Variants in ZSWIM5 observed in about 807,000 individuals in gnomAD.
ZSWIM5 encodes zinc finger SWIM-type containing 5, also known as zinc finger SWIM domain-containing protein 5.
Under a neutral mutation model 119.6 loss-of-function variants are expected in ZSWIM5, and 55 were observed. The observed-to-expected ratio is 0.46, with a 90% CI of 0.37 to 0.58. ZSWIM5 has a LOEUF of 0.58. Ranked by LOEUF, ZSWIM5 falls within the 20% of genes least tolerant of loss-of-function variation. The pLI is 0.00. For missense variants in ZSWIM5, 1,193 were observed against 1,512.8 expected, an observed-to-expected ratio of 0.79 and a Z score of 3.51; for synonymous variants, 537 against 606.9, an observed-to-expected ratio of 0.88 and a Z score of 1.69.
At chr1:45,043,841 C>T (rs980854173) in intron 5 of ZSWIM5, among the ~76,000 whole-genome samples, 1 of 152,134 alleles carries the variant, frequency 6.6e-6, no homozygotes, top group South Asian at 2.1e-4. Context: ...TTGTTTCATA[C>T]TAACTTTCCC....
At chr1:45,192,688 C>T (rs72684482) in intron 1 of ZSWIM5, among the ~76,000 whole-genome samples, 9,531 of 152,202 alleles carry the variant, frequency 0.063, 345 homozygotes, top group East Asian at 0.11. Context: ...AGCAGAATTT[C>T]TGGTTCATAT....
At chr1:45,063,406 T>C (rs1417343680) in intron 2 of ZSWIM5, among the ~76,000 whole-genome samples, 2 of 152,220 alleles carry the variant, frequency 1.3e-5, no homozygotes, top group Admixed American at 1.3e-4. Flanking sequence ...CTGATCATAA[T>C]CACTTCCCTG....
At chr1:45,099,453 C>T (rs1278518253) in intron 1 of ZSWIM5, among the ~76,000 whole-genome samples, 4 of 152,114 alleles carry the variant, frequency 2.6e-5, no homozygotes, top group Admixed American at 1.3e-4. Context: ...GATTCACAGC[C>T]GAACTCTACC....
At chr1:45,055,323 A>C (rs1184005804) in intron 4 of ZSWIM5, among the ~76,000 whole-genome samples, 1 of 152,022 alleles carries the variant, frequency 6.6e-6, no homozygotes, top group Non-Finnish European at 1.5e-5. Context: ...ACAGGGTTTC[A>C]CCATGTTGGC....
chr1:45,025,657 T>G (rs989663985), intron 11 of ZSWIM5, among the ~76,000 whole-genome samples: 1 of 152,220 alleles, frequency 6.6e-6, no homozygotes, highest in Non-Finnish European at 1.5e-5. Context: ...TTTTGTATAT[T>G]AATCTTATAT....
intron 1 of ZSWIM5, among the ~76,000 whole-genome samples, chr1:45,160,457 G>A (rs1300394572): frequency 1.3e-5 from 2 of 151,906 alleles, no homozygotes; most frequent in Admixed American, 1.3e-4. Flanking sequence ...CCCAGCCTCT[G>A]GTATCCATCA....
chr1:45,171,848 C>G (rs1645947779), intron 1 of ZSWIM5, among the ~76,000 whole-genome samples: 2 of 152,156 alleles, frequency 1.3e-5, no homozygotes, highest in East Asian at 3.9e-4. Flanking sequence ...ATTTAACCAA[C>G]TAACCAGAAG....
intron 1 of ZSWIM5, among the ~76,000 whole-genome samples, chr1:45,167,075 C>T (rs1645909661): frequency 6.6e-6 from 1 of 152,098 alleles, no homozygotes; most frequent in Non-Finnish European, 1.5e-5. Context: ...TCAAACTATA[C>T]TACAAGGCTA....
At chr1:45,175,019 T>C (rs909574607) in intron 1 of ZSWIM5, among the ~76,000 whole-genome samples, 1 of 152,084 alleles carries the variant, frequency 6.6e-6, no homozygotes, top group Non-Finnish European at 1.5e-5. Context: ...GCCCCAAAAA[T>C]GTCCCCATAA....
intron 1 of ZSWIM5, among the ~76,000 whole-genome samples, chr1:45,110,542 T>C (rs936214214): frequency 2.0e-5 from 3 of 152,186 alleles, no homozygotes; most frequent in African/African-American, 7.2e-5. Context: ...TCAAGGCAGC[T>C]GAAAGATAAA....
At chr1:45,071,682 C>G (rs1171950895) in intron 2 of ZSWIM5, among the ~76,000 whole-genome samples, 1 of 152,034 alleles carries the variant, frequency 6.6e-6, no homozygotes, top group East Asian at 1.9e-4. Flanking sequence ...TGGTCTTGAA[C>G]TCCTGAGCTC....
At chr1:45,087,803 G>T in intron 2 of ZSWIM5, 78 bp downstream of exon 2, 2 of 1,018,972 alleles carry the variant, frequency 2.0e-6, no homozygotes, top group Non-Finnish European at 2.9e-6. Flanking sequence ...AAGCAACAAA[G>T]TAGAGGTAAG....
At chr1:45,123,262 G>T (rs1645603829) in intron 1 of ZSWIM5, among the ~76,000 whole-genome samples, 1 of 151,830 alleles carries the variant, frequency 6.6e-6, no homozygotes, top group African/African-American at 2.4e-5. Flanking sequence ...AATAAAAAAA[G>T]ACAATAAGTA....
chr1:45,105,996 GGA>G (rs1645472833), intron 1 of ZSWIM5, among the ~76,000 whole-genome samples: 2 of 149,654 alleles, frequency 1.3e-5, no homozygotes, highest in Middle Eastern at 3.6e-3. Context: ...TGGGAAGTGA[GGA>G]GCGCCTCTGC....
chr1:45,115,826 A>C (rs1323943573), intron 1 of ZSWIM5, among the ~76,000 whole-genome samples: 2 of 151,518 alleles, frequency 1.3e-5, no homozygotes, highest in African/African-American at 4.9e-5. Flanking sequence ...CCAGGCAGAG[A>C]CACTCCTCAC....
At chr1:45,126,835 AAAC>A (rs575601740) in intron 1 of ZSWIM5, among the ~76,000 whole-genome samples, 24 of 152,316 alleles carry the variant, frequency 1.6e-4, no homozygotes, top group Admixed American at 5.2e-4. Flanking sequence ...TTTATTAGAA[AAAC>A]AACAACAACT....
intron 1 of ZSWIM5, among the ~76,000 whole-genome samples, chr1:45,165,490 G>C (rs974951527): frequency 6.6e-6 from 1 of 151,978 alleles, no homozygotes; most frequent in African/African-American, 2.4e-5. Flanking sequence ...AGGAGATAGA[G>C]ACACAAAAAA....
intron 1 of ZSWIM5, among the ~76,000 whole-genome samples, chr1:45,173,603 C>T (rs1645958876): frequency 6.6e-6 from 1 of 151,996 alleles, no homozygotes; most frequent in African/African-American, 2.4e-5. Flanking sequence ...ACCCCAGCTG[C>T]CCCACATAAC....
At chr1:45,135,371 A>G (rs971637885) in intron 1 of ZSWIM5, among the ~76,000 whole-genome samples, 2 of 152,188 alleles carry the variant, frequency 1.3e-5, no homozygotes, top group Non-Finnish European at 2.9e-5. Context: ...AATATACTTA[A>G]CACTACTGAA....
Sources: allele counts gnomAD v4.1 joint callset (sites outside exome capture counted in the v4.1 genomes callset), GRCh38; gene constraint gnomAD v4.1.1; transcripts MANE v1.5; gene names NCBI Gene and HGNC (gene_info 2026-07-23, HGNC 2026-07-21).